The following OXTR variants were observed in gnomAD, a reference collection of about 807,000 sequenced individuals.
OXTR encodes oxytocin receptor.
A neutral mutation model predicts 23.9 loss-of-function variants in OXTR; 19 were observed. The observed-to-expected ratio is 0.80, with a 90% CI of 0.56 to 1.17. OXTR has a LOEUF of 1.17. Among genes scored for constraint, OXTR ranks in the 50% most tolerant of loss-of-function variants. The pLI is 0.00. For synonymous variants in OXTR, 278 were observed against 250.5 expected, an observed-to-expected ratio of 1.11 and a Z score of -1.04; for missense variants, 500 against 550.7, an observed-to-expected ratio of 0.91 and a Z score of 0.92.
At chr3:8,756,166 C>A (rs2124997663) in intron 3 of OXTR, among the ~76,000 whole-genome samples, 1 of 152,240 alleles carries the variant, frequency 6.6e-6, no homozygotes, top group Non-Finnish European at 1.5e-5. Context: ...GCTAGAAAGG[C>A]TTCACAGGAT....
chr3:8,760,150 C>G (rs1041740986), intron 3 of OXTR, among the ~76,000 whole-genome samples: 1 of 152,222 alleles, frequency 6.6e-6, no homozygotes, highest in African/African-American at 2.4e-5. Context: ...ATATTCCACC[C>G]TGTATACAAC....
chr3:8,745,636 G>C, downstream of OXTR: 1 of 1,614,144 alleles, frequency 6.2e-7, no homozygotes, highest in Non-Finnish European at 8.5e-7. The surrounding 1 kb of genome is among the most constrained non-coding windows in gnomAD (Gnocchi z 4.8). Context: ...GCTACCGTCT[G>C]TTGTCCACGC....
intron 3 of OXTR, among the ~76,000 whole-genome samples, chr3:8,758,064 C>T (rs1708411713): frequency 6.6e-6 from 1 of 152,078 alleles, no homozygotes; most frequent in Non-Finnish European, 1.5e-5. Context: ...GGGACATGAG[C>T]AGAAACAGCC....
Position 8,768,091 on chromosome 3 carries a change from G to C in OXTR, c.97C>G (p.Arg33Gly). The change falls in exon 3 of 4, where the codon CGG (arginine) becomes GGG (glycine). Residue 33 changes from arginine to glycine, a missense_variant. Coordinates refer to ENST00000316793, the MANE Select transcript of OXTR (RefSeq NM_000916.4). The surrounding 1 kb of genome is among the most constrained non-coding windows in gnomAD (Gnocchi z 5.4). ...AEGNRTAGPP[R>G]RNEALARVEV... ...ACGCGCGCCAGGGCCTCGTTGCGCC[G>C]CGGGGGTCCGGCGGTGCGGTTGCCC... The C allele has an allele frequency of 6.9e-7, 1 of 1,459,386 alleles. No homozygotes were observed. Among genetic ancestry groups the C allele is most frequent in the South Asian group, 1.4e-5 (1 of 71,412 alleles). The allele number at this position is 1,459,386 out of a possible 1,614,324, so 90.4% of individuals were successfully genotyped here. A position where few individuals can be genotyped will look rare whatever the true frequency, so the allele number is the denominator to read the frequency against.
the OXTR span, among the ~76,000 whole-genome samples, chr3:8,744,275 A>ATTT: frequency 1.8e-3 from 221 of 120,834 alleles, 5 homozygotes; most frequent in African/African-American, 7.1e-3. Context: ...GACCAGTGGA[A>ATTT]TTTTTTTTTT....
chr3:8,744,445 A>ATTT, the OXTR span, among the ~76,000 whole-genome samples: 31 of 111,376 alleles, frequency 2.8e-4, no homozygotes, highest in African/African-American at 1.1e-3. Context: ...TACCCGGCTA[A>ATTT]TTTTTTTTTT....
the OXTR span, among the ~76,000 whole-genome samples, chr3:8,743,108 GACC>G: frequency 6.6e-6 from 1 of 152,200 alleles, no homozygotes; most frequent in Non-Finnish European, 1.5e-5. Context: ...ACTCACTCAT[GACC>G]ACAGGGAGGG....
Position 8,768,250 on chromosome 3 carries a change from G to A in OXTR, c.-63C>T. On this transcript the variant is annotated 5_prime_UTR_variant, in exon 3 of 4. Transcript: ENST00000316793. This position sits in a 1 kb window ranked among gnomAD's most constrained non-coding sequence, Gnocchi z 5.4. The stretch of plus-strand genomic sequence containing the variant: ...CTTTACGGCTTGGCGCGGCTGGGCC[G>A]GATCCGGCGTGTCGGAGGGTGTAGG... 1.6e-6 allele frequency: 2 copies of A among 1,258,968 alleles called. No homozygotes were observed. The highest frequency in any genetic ancestry group is 2.0e-6 in the Non-Finnish European group (2 of 1,007,016). 78.0% of individuals were successfully genotyped at this position (1,258,968 alleles called of 1,614,324 possible). A position where few individuals can be genotyped will look rare whatever the true frequency, so the allele number is the denominator to read the frequency against.
At chr3:8,743,033 G>A in the OXTR span, among the ~76,000 whole-genome samples, 6 of 152,146 alleles carry the variant, frequency 3.9e-5, no homozygotes, top group Non-Finnish European at 7.3e-5. Context: ...CATGGCGAGA[G>A]AGGGAGCAAG....
rs892048558 is a variant in OXTR at position 8,768,921 on chromosome 3, T to G, written c.-239+310A>C. 6.6e-6 allele frequency among the ~76,000 whole-genome samples: 1 copy of G among 152,102 alleles called. No individual in the cohort carries two copies. Among genetic ancestry groups the G allele is most frequent in the Non-Finnish European group, 1.5e-5 (1 of 68,026 alleles). On this transcript the variant is annotated intron_variant, in intron 1 of 3. Transcript: ENST00000316793. The surrounding 1 kb of genome is among the most constrained non-coding windows in gnomAD (Gnocchi z 5.4). ...GGTGGAAACCCGGTTCTGCAGTCCC[T>G]GCTGGGGGAACCCCTGCCTCAAAGC...
In OXTR at chr3:8,767,702, G is replaced by A. The variant is rs200541397; in HGVS notation, c.486C>T (p.Leu162=). 25 of 1,609,564 alleles carry A rather than the reference G, an allele frequency of 1.6e-5. No homozygotes were observed. Among genetic ancestry groups the A allele is most frequent in the East Asian group, 2.2e-5 (1 of 44,782 alleles). ...TDRLAVLATW[L]GCLVASAPQV... Reference sequence around the variant, plus strand: ...GCGGCGCGCTGGCCACCAGGCAGCCGAGCCACGTGGCGAGCACTGCCAGGC... The same window carrying A: ...GCGGCGCGCTGGCCACCAGGCAGCCAAGCCACGTGGCGAGCACTGCCAGGC... The change falls in exon 3 of 4, where the codon CTC becomes CTT. Residue 162 remains leucine, a synonymous_variant. Transcript: ENST00000316793.
chr3:8,755,291 A>C (rs902813747), intron 3 of OXTR, among the ~76,000 whole-genome samples: 10 of 152,370 alleles, frequency 6.6e-5, no homozygotes, highest in African/African-American at 2.4e-4. Flanking sequence ...TGCAAAAGTC[A>C]ATATTTACAA....
the OXTR span, chr3:8,742,682 G>A: frequency 2.1e-5 from 7 of 331,220 alleles, no homozygotes; most frequent in South Asian, 7.1e-5. Context: ...TCAAGAGGTA[G>A]TGTGCCTGGG....
At chr3:8,758,113 T>A (rs1708413178) in intron 3 of OXTR, among the ~76,000 whole-genome samples, 1 of 151,814 alleles carries the variant, frequency 6.6e-6, no homozygotes, top group Non-Finnish European at 1.5e-5. Context: ...GGCAATTCTG[T>A]CCCTGGGAGA....
intron 3 of OXTR, among the ~76,000 whole-genome samples, chr3:8,765,697 C>T (rs1708591219): frequency 6.6e-6 from 1 of 152,184 alleles, no homozygotes; most frequent in Admixed American, 6.5e-5. Context: ...TTTGCCCAAC[C>T]CCACTCCCTC....
At chr3:8,742,122 T>C in the OXTR span, among the ~76,000 whole-genome samples, 1 of 152,156 alleles carries the variant, frequency 6.6e-6, no homozygotes, top group East Asian at 1.9e-4. Flanking sequence ...TACAGCTGCC[T>C]AGAGCTGCCT....
Position 8,754,707 on chromosome 3 carries a change from G to A in OXTR, c.923-1483C>T, listed in dbSNP as rs150232760. ...TCAAAGTAGGCCCCCCTCCCAGAGC[G>A]ACACATCACATGGGAACTTGCTGGA... On this transcript the variant is annotated intron_variant, in intron 3 of 3. Coordinates refer to ENST00000316793, the MANE Select transcript of OXTR (RefSeq NM_000916.4). Among the ~76,000 whole-genome samples the A allele has an allele frequency of 2.2e-4, 34 of 152,244 alleles. No individual in the cohort carries two copies. The East Asian group carries it at 5.2e-3, about 23-fold the overall frequency.
rs1253217548 is a variant in OXTR at position 8,769,570 on chromosome 3, C to T, written c.-578G>A. ...GCGAGGCCAGCCGCGCAGACCCCTC[C>T]GGAGCGGAGCTGGTTCGCCCAGCGT... On this transcript the variant is annotated 5_prime_UTR_variant, in exon 1 of 4. Coordinates refer to ENST00000316793, the MANE Select transcript of OXTR (RefSeq NM_000916.4). The T allele has an allele frequency of 6.6e-6, 1 of 152,284 alleles. No homozygotes were observed. The highest frequency in any genetic ancestry group is 1.5e-5 in the Non-Finnish European group (1 of 68,074). 9.4% of individuals were successfully genotyped at this position (152,284 alleles called of 1,614,324 possible).
chr3:8,763,501 C>A (rs1399565769), intron 3 of OXTR, among the ~76,000 whole-genome samples: 1 of 152,206 alleles, frequency 6.6e-6, no homozygotes, highest in Non-Finnish European at 1.5e-5. Context: ...CCCACTCTAC[C>A]AAACTCCCTC....
Sources: gnomAD v4.1 joint callset for allele counts (sites outside exome capture counted in the v4.1 genomes callset) on GRCh38, gnomAD v4.1.1 for gene constraint, Gnocchi (gnomAD v3.1) non-coding constraint, MANE v1.5 for transcripts, NCBI Gene and HGNC (gene_info 2026-07-23, HGNC 2026-07-21) for gene names.